The following USP40 variants were observed in gnomAD, a reference collection of about 807,000 sequenced individuals.
The protein encoded by USP40 is ubiquitin carboxyl-terminal hydrolase 40.
USP40 carries 143 observed loss-of-function variants against 166.2 expected under a neutral mutation model. That is an observed-to-expected ratio of 0.86 (90% CI 0.75 to 0.99). The LOEUF is 0.99. Ranked by LOEUF, USP40 falls within the 50% of genes least tolerant of loss-of-function variation. The pLI is 0.00. For synonymous variants in USP40, 498 were observed against 524.0 expected (o/e 0.95, Z 0.68); for missense variants, 1,444 against 1,479.7 (o/e 0.98, Z 0.40).
chr2:233,510,393 T>TTTC (rs2066730102), intron 20 of USP40, among the ~76,000 whole-genome samples: 1 of 61,898 alleles, frequency 1.6e-5, no homozygotes, highest in African/African-American at 1.5e-4. Flanking sequence ...TTTTTCTTTC[T>TTTC]TTTTTTTTTT....
intron 24 of USP40, among the ~76,000 whole-genome samples, chr2:233,494,173 G>A (rs893513789): frequency 9.9e-5 from 15 of 152,134 alleles, no homozygotes; most frequent in African/African-American, 3.6e-4. Flanking sequence ...TTCAAGAAAT[G>A]TGCATTAGAA....
Position 233,510,120 on chromosome 2 carries a change from C to CA in USP40, c.2541dup (p.Ala848CysfsTer5), listed in dbSNP as rs2066704487. On this transcript the variant is annotated frameshift_variant, in exon 21 of 32. Transcript: ENST00000678225. LOFTEE classifies it high-confidence loss of function. The stretch of plus-strand genomic sequence containing the variant: ...CCAGGTTGAACGTCACTCCCCATTG[C>CA]AAAAAACAGGAACAACTAATAACAA... The CA allele has an allele frequency of 1.9e-6, 3 of 1,600,896 alleles. No individual in the cohort carries two copies. The highest frequency in any genetic ancestry group is 8.5e-7 in the Non-Finnish European group (1 of 1,173,446).
At position 233,477,235 on chromosome 2, in the gene USP40, TG is replaced by T; in HGVS notation, c.*156del. 1.4e-6 allele frequency: 1 copy of T among 710,382 alleles called. No individual in the cohort carries two copies. The highest frequency in any genetic ancestry group is 1.8e-5 in the African/African-American group (1 of 57,106). 44.0% of individuals were successfully genotyped at this position (710,382 alleles called of 1,614,324 possible). A position where few individuals can be genotyped will look rare whatever the true frequency, so the allele number is the denominator to read the frequency against. On this transcript the variant is annotated 3_prime_UTR_variant, in exon 32 of 32. Coordinates refer to ENST00000678225, the MANE Select transcript of USP40 (RefSeq NM_001365479.2). ...CGTGTTGCAGAGCTAAGTGACTACA[TG>T]CACTGGCCAGGCCTCAGAGGAGCCG...
intron 7 of USP40, 144 bp downstream of exon 7, chr2:233,551,232 C>T: frequency 3.2e-6 from 3 of 942,892 alleles, no homozygotes; most frequent in Non-Finnish European, 1.5e-6. Context: ...AGACAGTCTC[C>T]CACAACAAAG....
At chr2:233,525,975 C>T (rs838550) in intron 13 of USP40, among the ~76,000 whole-genome samples, 31,695 of 152,066 alleles carry the variant, frequency 0.21, 3,388 homozygotes, top group African/African-American at 0.22. Flanking sequence ...CATCTTCTAG[C>T]TGCTTGAAAG....
intron 18 of USP40, among the ~76,000 whole-genome samples, chr2:233,518,515 G>A (rs568323028): frequency 2.0e-5 from 3 of 149,832 alleles, no homozygotes; most frequent in Non-Finnish European, 4.4e-5. Flanking sequence ...TGCAGTGAGC[G>A]GAGATCGTGT....
At chr2:233,538,956 G>A (rs1033540246) in intron 10 of USP40, among the ~76,000 whole-genome samples, 1 of 152,174 alleles carries the variant, frequency 6.6e-6, no homozygotes, top group African/African-American at 2.4e-5. Context: ...GTGGGCCCAG[G>A]AGGTCAAGGC....
chr2:233,526,367 A>T (rs2068033671), intron 13 of USP40, among the ~76,000 whole-genome samples: 1 of 152,170 alleles, frequency 6.6e-6, no homozygotes, highest in South Asian at 2.1e-4. Context: ...GACTAGGTTC[A>T]GATTCCCACA....
intron 3 of USP40, chr2:233,560,914 G>A: frequency 1.6e-6 from 1 of 640,980 alleles, no homozygotes; most frequent in Non-Finnish European, 2.8e-6. Context: ...CCAGAAGAAA[G>A]AATAAGCATA....
At chr2:233,510,277 G>A in intron 20 of USP40, 142 bp from the exon 21 acceptor site, 1 of 612,552 alleles carries the variant, frequency 1.6e-6, no homozygotes, top group Non-Finnish European at 2.8e-6. Context: ...ATACGACTAT[G>A]ATTAATGTTA....
chr2:233,485,623 G>A lies in USP40; in HGVS notation c.3412C>T (p.Gln1138Ter), dbSNP rs1196766477. ...FEWLPISSWN[Q>*]QITKRKKKKK... ...TTCTTTTTCCTCTTGGTTATTTGTTGGTTCTATGGGAAAATCAAACATCTT... is the reference window on the plus strand; with the variant it reads ...TTCTTTTTCCTCTTGGTTATTTGTTAGTTCTATGGGAAAATCAAACATCTT... The change falls in exon 30 of 32, where the codon CAA (glutamine) becomes TAA (stop). Residue 1138 changes from glutamine to a stop codon, truncating the protein, a stop_gained. Transcript: ENST00000678225. LOFTEE classifies it high-confidence loss of function. 8 of 1,611,506 alleles carry A rather than the reference G, an allele frequency of 5.0e-6. No homozygotes were observed. The highest frequency in any genetic ancestry group is 1.1e-5 in the South Asian group (1 of 90,800).
rs1394505913 is a variant in USP40 at position 233,480,369 on chromosome 2, G to C, written c.3599+834C>G. ...ACCCAGAGTCCGTGAGTCGGGGAGT[G>C]GGGGAGGATGAGGACGCCTGGGGGC... On this transcript the variant is annotated intron_variant, in intron 31 of 31. Transcript: ENST00000678225. The surrounding 1 kb of genome is among the most constrained non-coding windows in gnomAD (Gnocchi z 4.5). 2.6e-5 allele frequency among the ~76,000 whole-genome samples: 4 copies of C among 152,242 alleles called. No individual in the cohort carries two copies. Among genetic ancestry groups the C allele is most frequent in the East Asian group, 1.9e-4 (1 of 5,192 alleles).
chr2:233,560,864 G>C (rs761502004), intron 3 of USP40: 13 of 578,124 alleles, frequency 2.2e-5, no homozygotes, highest in Non-Finnish European at 4.1e-5. Flanking sequence ...ATAGACTTCT[G>C]GGGGAAGCTA....
At position 233,491,280 on chromosome 2, in the gene USP40, G is replaced by C. The variant is rs2065320302; in HGVS notation, c.2918-19C>G. The C allele has an allele frequency of 6.4e-7, 1 of 1,574,198 alleles. No homozygotes were observed. Among genetic ancestry groups the C allele is most frequent in the Admixed American group, 1.7e-5 (1 of 58,840 alleles). ...GAAGCACCTTCCAAAGGACAGAGCG[G>C]GATGTTTACAAGGAACTTGAAACTT... On this transcript the variant is annotated intron_variant, in intron 25 of 31. Transcript: ENST00000678225.
intron 21 of USP40, among the ~76,000 whole-genome samples, chr2:233,508,667 T>C (rs1015899128): frequency 6.6e-6 from 1 of 152,196 alleles, no homozygotes; most frequent in Non-Finnish European, 1.5e-5. Context: ...AATTCTAAAA[T>C]GCCTTCATTT....
chr2:233,512,453 T>C (rs1191328280), intron 19 of USP40, 116 bp downstream of exon 19: 1 of 510,090 alleles, frequency 2.0e-6, no homozygotes. Context: ...AGAAAATATG[T>C]CCTATAAATC....
intron 10 of USP40, among the ~76,000 whole-genome samples, chr2:233,537,837 G>T (rs2125298525): frequency 6.6e-6 from 1 of 152,280 alleles, no homozygotes; most frequent in East Asian, 1.9e-4. Context: ...GAAGGGAAAT[G>T]ATATTAAATG....
chr2:233,485,667 C>G (rs747718743), intron 29 of USP40, 41 bp from the exon 30 acceptor site: 8 of 1,604,344 alleles, frequency 5.0e-6, no homozygotes, highest in Non-Finnish European at 6.8e-6. Flanking sequence ...AAAACTCAAC[C>G]TCAAGTTCTC....
intron 8 of USP40, chr2:233,542,584 G>A (rs1050893247): frequency 3.3e-5 from 13 of 389,800 alleles, no homozygotes; most frequent in East Asian, 2.4e-4. Context: ...AGGTTGAGGC[G>A]GGAGGACTGC....
Sources: gnomAD v4.1 joint callset for allele counts (sites outside exome capture counted in the v4.1 genomes callset) on GRCh38, gnomAD v4.1.1 for gene constraint, Gnocchi (gnomAD v3.1) non-coding constraint, MANE v1.5 for transcripts, NCBI Gene and HGNC (gene_info 2026-07-23, HGNC 2026-07-21) for gene names.